The following GFPT1 variants were observed in gnomAD, a reference collection of about 807,000 sequenced individuals.
GFPT1 encodes glutamine--fructose-6-phosphate aminotransferase [isomerizing] 1.
Under a neutral mutation model 92.0 loss-of-function variants are expected in GFPT1, and 40 were observed. That is an observed-to-expected ratio of 0.43 (90% CI 0.34 to 0.57). The LOEUF is 0.57. Among genes scored for constraint, GFPT1 ranks in the 20% least tolerant of loss-of-function variants. GFPT1 has a pLI of 0.02. For missense variants in GFPT1, 448 were observed against 869.1 expected, an observed-to-expected ratio of 0.52 and a Z score of 6.09; for synonymous variants, 269 against 280.6, an observed-to-expected ratio of 0.96 and a Z score of 0.41.
At chr2:69,380,765 T>C (rs1036202062) in intron 1 of GFPT1, among the ~76,000 whole-genome samples, 5 of 152,170 alleles carry the variant, frequency 3.3e-5, no homozygotes, top group Admixed American at 6.6e-5. Context: ...CACTGAACTA[T>C]GACAGCCAAG....
In GFPT1 at chr2:69,329,373, G is replaced by T; in HGVS notation, c.1649C>A (p.Thr550Lys). The T allele has an allele frequency of 6.2e-7, 1 of 1,611,214 alleles. No homozygotes were observed. The highest frequency in any genetic ancestry group is 8.5e-7 in the Non-Finnish European group (1 of 1,177,432). ...AACTGACTTCTGATGATAAAGTTCTGTTGCTAGTTTCTGAATTTCGTCATC... is the reference window on the plus strand; with the variant it reads ...AACTGACTTCTGATGATAAAGTTCTTTTGCTAGTTTCTGAATTTCGTCATC... ...SMDDEIQKLA[T>K]ELYHQKSVLI... Residue 550 changes from threonine to lysine, a missense_variant, in exon 17 of 20, where the codon ACA (threonine) becomes AAA (lysine). Coordinates refer to ENST00000357308, the MANE Select transcript of GFPT1 (RefSeq NM_001244710.2).
chr2:69,330,975 C>A (rs914171467), intron 15 of GFPT1, among the ~76,000 whole-genome samples: 1 of 152,104 alleles, frequency 6.6e-6, no homozygotes, highest in Non-Finnish European at 1.5e-5. Context: ...CACACAGGCT[C>A]AAAACGTACT....
intron 13 of GFPT1, 136 bp from the exon 14 acceptor site, chr2:69,338,701 T>A: frequency 1.5e-6 from 1 of 679,278 alleles, no homozygotes; most frequent in Non-Finnish European, 2.4e-6. Flanking sequence ...CAACCCAGAT[T>A]AAAATATTTA....
chr2:69,348,965 C>T (rs924235358), intron 10 of GFPT1, among the ~76,000 whole-genome samples: 6 of 152,216 alleles, frequency 3.9e-5, no homozygotes, highest in African/African-American at 1.4e-4. Flanking sequence ...CCATCCTAAA[C>T]TCTCACAGGC....
rs1483625034 is a variant in GFPT1 at position 69,387,172 on chromosome 2, G to A, written c.-101C>T. ...GGCAATCTGCGGGCTCGGGGGCCGG[G>A]GTGGCGCCGACACGACTCCCTCGGG... On this transcript the variant is annotated 5_prime_UTR_variant, in exon 1 of 20. Coordinates refer to ENST00000357308, the MANE Select transcript of GFPT1 (RefSeq NM_001244710.2). The A allele has an allele frequency of 3.0e-6, 4 of 1,343,894 alleles. No homozygotes were observed. The highest frequency in any genetic ancestry group is 3.0e-5 in the East Asian group (1 of 33,588). 83.2% of individuals were successfully genotyped at this position (1,343,894 alleles called of 1,614,324 possible).
chr2:69,373,149 T>C (rs1167924652), intron 2 of GFPT1, among the ~76,000 whole-genome samples: 2 of 152,204 alleles, frequency 1.3e-5, no homozygotes, highest in Admixed American at 6.5e-5. Context: ...TTGTGCTTTG[T>C]ATTCTTTTGT....
chr2:69,343,421 T>TC (rs1671003684), intron 12 of GFPT1, among the ~76,000 whole-genome samples: 1 of 151,720 alleles, frequency 6.6e-6, no homozygotes, highest in Non-Finnish European at 1.5e-5. Context: ...CACCTTTTTT[T>TC]TTTTTTTGAG....
At chr2:69,355,019 C>G (rs1364890836) in intron 7 of GFPT1, among the ~76,000 whole-genome samples, 1 of 152,052 alleles carries the variant, frequency 6.6e-6, no homozygotes, top group Non-Finnish European at 1.5e-5. Flanking sequence ...TATTCTCTAT[C>G]AGGGGTCAGC....
rs1024714207 is a variant in GFPT1, at chr2:69,321,369, T to C, written c.*4820A>G. 16 of 152,228 alleles carry C rather than the reference T, an allele frequency of 1.1e-4. No homozygotes were observed. The highest frequency in any genetic ancestry group is 8.5e-4 in the Admixed American group (13 of 15,280). 9.4% of individuals were successfully genotyped at this position (152,228 alleles called of 1,614,324 possible). A position where few individuals can be genotyped will look rare whatever the true frequency, so the allele number is the denominator to read the frequency against. On this transcript the variant is annotated 3_prime_UTR_variant, in exon 20 of 20. Coordinates refer to ENST00000357308, the MANE Select transcript of GFPT1 (RefSeq NM_001244710.2). ...ATATTTAGGCAGTGATTTCTTATTC[T>C]TAAAATCAACAGTAATGAATAAAGT...
chr2:69,345,923 G>A lies in GFPT1; in HGVS notation c.1086C>T (p.Val362=). The stretch of plus-strand genomic sequence containing the variant: ...AATTACCAGTATAGTCATCAAAGTT[G>A]ACTCTTCCTCTCATTGTGTTCACGA... ...ESVVNTMRGR[V]NFDDYTVNLG... The change falls in exon 12 of 20, where the codon GTC becomes GTT. Residue 362 remains valine, a synonymous_variant. Transcript: ENST00000357308. 6.3e-7 allele frequency: 1 copy of A among 1,575,480 alleles called. No individual in the cohort carries two copies. The highest frequency in any genetic ancestry group is 1.7e-5 in the Admixed American group (1 of 59,978).
intron 3 of GFPT1, among the ~76,000 whole-genome samples, chr2:69,365,805 C>T (rs1469500978): frequency 4.6e-5 from 7 of 151,930 alleles, no homozygotes; most frequent in Middle Eastern, 3.2e-3. Context: ...ACATCTTTGA[C>T]TACTTTTTTT....
chr2:69,328,491 T>C (rs1181151643), intron 17 of GFPT1, 53 bp from the exon 18 acceptor site: 6 of 1,323,510 alleles, frequency 4.5e-6, no homozygotes, highest in African/African-American at 2.9e-5. Flanking sequence ...AAATCCATGT[T>C]TAAGTAAATA....
In GFPT1 at chr2:69,329,391, T is replaced by C. The variant is rs749912627; in HGVS notation, c.1631A>G (p.Glu544Gly). ...LIKEVLSMDD[E>G]IQKLATELYH... is the part of the protein sequence containing the mutation. Reference sequence around the variant, plus strand: ...AAGTTCTGTTGCTAGTTTCTGAATTTCGTCATCCATGCTCAGTACTTCCTT... The same window carrying C: ...AAGTTCTGTTGCTAGTTTCTGAATTCCGTCATCCATGCTCAGTACTTCCTT... The change falls in exon 17 of 20, where the codon GAA becomes GGA. Residue 544 changes from glutamate to glycine, a missense_variant. Glu to Gly is a moderately conservative substitution (Grantham distance 98, BLOSUM62 -2). This residue lies in a region of GFPT1 where 73 missense variants were observed against 103.5 expected (regional missense o/e 0.71). Coordinates refer to ENST00000357308, the MANE Select transcript of GFPT1 (RefSeq NM_001244710.2). 6.2e-7 allele frequency: 1 copy of C among 1,611,264 alleles called. No homozygotes were observed. The highest frequency in any genetic ancestry group is 1.1e-5 in the South Asian group (1 of 91,014).
intron 15 of GFPT1, 93 bp from the exon 16 acceptor site, chr2:69,329,891 A>G: frequency 1.3e-6 from 1 of 782,022 alleles, no homozygotes; most frequent in Non-Finnish European, 2.3e-6. Flanking sequence ...TAAAATTCCC[A>G]TTGGTTTTAC....
Position 69,364,754 on chromosome 2 carries a change from C to T in GFPT1, c.224-1084G>A, listed in dbSNP as rs910770159. Among the ~76,000 whole-genome samples the T allele has an allele frequency of 2.0e-5, 3 of 152,064 alleles. 1 individual carries two copies. The highest frequency in any genetic ancestry group is 4.2e-4 in the South Asian group (2 of 4,808). The stretch of plus-strand genomic sequence containing the variant: ...GCTCATGCCTGTAATCCCAGCACTT[C>T]GGGAGGCAGAGGCGGGTGGGACACA... On this transcript the variant is annotated intron_variant, in intron 3 of 19. Transcript: ENST00000357308.
chr2:69,356,088 G>A (rs1486151553), intron 7 of GFPT1, among the ~76,000 whole-genome samples: 1 of 145,414 alleles, frequency 6.9e-6, no homozygotes, highest in East Asian at 2.0e-4. Context: ...TGCCTCCTGG[G>A]TTCAAGCGGT....
chr2:69,337,334 G>C (rs750398060), intron 15 of GFPT1, among the ~76,000 whole-genome samples: 5 of 152,056 alleles, frequency 3.3e-5, no homozygotes, highest in Non-Finnish European at 5.9e-5. Context: ...CAAAGTGCTG[G>C]GATTACAGGC....
At chr2:69,349,010 TA>T in intron 10 of GFPT1, among the ~76,000 whole-genome samples, 1 of 152,170 alleles carries the variant, frequency 6.6e-6, no homozygotes, top group African/African-American at 2.4e-5. Context: ...TTCCTCCCTC[TA>T]CCTGTTAACC....
chr2:69,380,684 T>C (rs571177823), intron 1 of GFPT1, among the ~76,000 whole-genome samples: 3 of 152,150 alleles, frequency 2.0e-5, no homozygotes, highest in Non-Finnish European at 4.4e-5. Context: ...AGACTACAAT[T>C]TTTCATCATA....
Sources: allele counts gnomAD v4.1 joint callset (sites outside exome capture counted in the v4.1 genomes callset), GRCh38; gene constraint gnomAD v4.1.1; regional missense constraint gnomAD v4.1.1; transcripts MANE v1.5; gene names NCBI Gene and HGNC (gene_info 2026-07-23, HGNC 2026-07-21).